Variants in ADAM23 observed in about 807,000 individuals in gnomAD.
The protein encoded by ADAM23 is ADAM metallopeptidase domain 23.
In ADAM23, 33 loss-of-function variants were observed where a neutral mutation model predicts 120.1. That is an observed-to-expected ratio of 0.27 (90% confidence interval 0.21 to 0.37). The LOEUF (loss-of-function observed/expected upper bound fraction) is 0.37. ADAM23 is among the 10% of genes least tolerant of loss of function. The pLI is 1.00. For synonymous variants in ADAM23, 367 were observed against 375.2 expected, an observed-to-expected ratio of 0.98 and a Z score of 0.25; for missense variants, 862 against 1,058.2, an observed-to-expected ratio of 0.81 and a Z score of 2.57.
intron 3 of ADAM23, among the ~76,000 whole-genome samples, chr2:206,517,574 A>G (rs1696760916): frequency 6.6e-6 from 1 of 152,042 alleles, no homozygotes; most frequent in African/African-American, 2.4e-5. Context: ...TTGCTTTTCT[A>G]GTGTCCACAG....
Position 206,443,970 on chromosome 2 carries a change from C to A in ADAM23, c.104C>A (p.Ala35Asp). Residue 35 changes from alanine to aspartate, a missense_variant, in exon 1 of 26, where the codon GCC becomes GAC. Ala to Asp is a moderately radical substitution (Grantham distance 126). This residue lies in a region of ADAM23 where 225 missense variants were observed against 204.0 expected (regional missense o/e 1.10). Coordinates refer to ENST00000264377, the MANE Select transcript of ADAM23 (RefSeq NM_003812.4). ...CGCGGCCCCGCCGGCTCGGTGCCTG[C>A]CAGCGCCCCGGCCCGCACGCCGCCC... is the stretch of plus-strand genomic sequence containing the variant. ...PQRGPAGSVP[A>D]SAPARTPPCR... 1 of 1,345,506 alleles carries A rather than the reference C, an allele frequency of 7.4e-7. No homozygotes were observed. The allele number at this position is 1,345,506 out of a possible 1,614,324, so 83.3% of individuals were successfully genotyped here.
chr2:206,473,614 C>T (rs1039824519), intron 2 of ADAM23, among the ~76,000 whole-genome samples: 46 of 144,562 alleles, frequency 3.2e-4, no homozygotes, highest in African/African-American at 1.1e-3. Context: ...ACAACAACAA[C>T]AACAATAACG....
chr2:206,509,993 C>T (rs1696589075), intron 3 of ADAM23, among the ~76,000 whole-genome samples: 1 of 152,202 alleles, frequency 6.6e-6, no homozygotes, highest in Admixed American at 6.5e-5. Flanking sequence ...TCTTTATCAA[C>T]ATAGTTTTGT....
intron 3 of ADAM23, among the ~76,000 whole-genome samples, chr2:206,529,819 A>ATT (rs57883962): frequency 5.4e-5 from 8 of 149,028 alleles, no homozygotes; most frequent in African/African-American, 7.4e-5. Flanking sequence ...GTATATATAC[A>ATT]TTTTTTTTTT....
intron 3 of ADAM23, among the ~76,000 whole-genome samples, chr2:206,513,563 G>A (rs1484849328): frequency 6.6e-6 from 1 of 152,208 alleles, no homozygotes; most frequent in Non-Finnish European, 1.5e-5. Flanking sequence ...ACATAAAAGT[G>A]CAAGGTAAAG....
chr2:206,575,015 C>T (rs1356193278), intron 18 of ADAM23, among the ~76,000 whole-genome samples: 1 of 152,040 alleles, frequency 6.6e-6, no homozygotes, highest in African/African-American at 2.4e-5. Flanking sequence ...AATAAAAAAT[C>T]AGATGGTGGT....
intron 2 of ADAM23, among the ~76,000 whole-genome samples, chr2:206,458,724 C>G (rs1265245101): frequency 6.6e-6 from 1 of 152,126 alleles, no homozygotes; most frequent in East Asian, 1.9e-4. Context: ...AGCACACGTT[C>G]AGATGATAAT....
chr2:206,457,129 T>C (rs1187826142), intron 2 of ADAM23, among the ~76,000 whole-genome samples: 2 of 152,206 alleles, frequency 1.3e-5, no homozygotes, highest in African/African-American at 2.4e-5. Flanking sequence ...ATGCATGAAA[T>C]CAACTTTAGC....
At chr2:206,595,930 T>C in intron 23 of ADAM23, 121 bp from the exon 24 acceptor site, 4 of 725,308 alleles carry the variant, frequency 5.5e-6, no homozygotes, top group Non-Finnish European at 9.1e-6. Context: ...TGGGAAACTT[T>C]AAAAAGAAAT....
At position 206,522,811 on chromosome 2, in the gene ADAM23, T is replaced by G. The variant is rs577826299; in HGVS notation, c.510-8074T>G. ...CAGTTTTCCTTGTGTTTAATTTTTT[T>G]TTTTTTGGTTTTATGACATACGGGG... is the stretch of plus-strand genomic sequence containing the variant. On this transcript the variant is annotated intron_variant, in intron 3 of 25. Coordinates refer to ENST00000264377, the MANE Select transcript of ADAM23 (RefSeq NM_003812.4). Among the ~76,000 whole-genome samples the G allele has an allele frequency of 3.9e-5, 6 of 151,976 alleles. No homozygotes were observed. In the East Asian group the frequency reaches 1.2e-3, roughly 29 times the overall value.
intron 4 of ADAM23, among the ~76,000 whole-genome samples, 160 bp downstream of exon 4, chr2:206,531,108 A>C (rs1697052815): frequency 6.6e-6 from 1 of 152,154 alleles, no homozygotes; most frequent in Non-Finnish European, 1.5e-5. Context: ...AAAATATACA[A>C]ATGTTTGAGG....
At chr2:206,500,255 G>T (rs1696359831) in intron 3 of ADAM23, among the ~76,000 whole-genome samples, 1 of 152,058 alleles carries the variant, frequency 6.6e-6, no homozygotes, top group African/African-American at 2.4e-5. Flanking sequence ...GGAAGCAAAA[G>T]AAAACTAGTG....
intron 2 of ADAM23, among the ~76,000 whole-genome samples, chr2:206,453,606 A>G (rs1392564429): frequency 6.6e-6 from 1 of 152,230 alleles, no homozygotes; most frequent in African/African-American, 2.4e-5. Context: ...ATTCAGTATG[A>G]TTTTAATTAA....
intron 11 of ADAM23, 93 bp from the exon 12 acceptor site, chr2:206,561,035 G>T: frequency 9.9e-7 from 1 of 1,009,792 alleles, no homozygotes; most frequent in Non-Finnish European, 1.6e-6. Flanking sequence ...GATGGTTTGG[G>T]GGTGTTCCAT....
chr2:206,530,691 T>TTTTTTTC (rs1697040183), intron 3 of ADAM23, among the ~76,000 whole-genome samples, 194 bp from the exon 4 acceptor site: 1 of 144,086 alleles, frequency 6.9e-6, no homozygotes, highest in African/African-American at 2.5e-5. Context: ...TTTTTTTTTT[T>TTTTTTTC]CTGCAGATTG....
intron 2 of ADAM23, among the ~76,000 whole-genome samples, chr2:206,450,158 G>A (rs1046558964): frequency 6.6e-6 from 1 of 152,056 alleles, no homozygotes; most frequent in Non-Finnish European, 1.5e-5. Context: ...GTTAGCACAC[G>A]TTTTTACAAT....
intron 9 of ADAM23, among the ~76,000 whole-genome samples, chr2:206,555,363 T>C (rs1366226254): frequency 1.3e-5 from 2 of 152,170 alleles, no homozygotes. Context: ...TTCCTCACCT[T>C]CCACATCCTA....
chr2:206,475,002 C>CT (rs1695747554), intron 2 of ADAM23, among the ~76,000 whole-genome samples: 2 of 152,302 alleles, frequency 1.3e-5, no homozygotes, highest in Non-Finnish European at 2.9e-5. Flanking sequence ...AAGTATGGCA[C>CT]TTTTTTGTCA....
At position 206,571,725 on chromosome 2, in the gene ADAM23, A is replaced by G; in HGVS notation, c.1567-2A>G. The G allele has an allele frequency of 6.2e-7, 1 of 1,613,452 alleles. No homozygotes were observed. The highest frequency in any genetic ancestry group is 8.5e-7 in the Non-Finnish European group (1 of 1,179,426). ...CTTACTCACGTGAAGTGTTTTCTCT[A>G]GGAATGCTATGGATTATGCTGTAAG... On this transcript the variant is annotated splice_acceptor_variant, in intron 16 of 25. Transcript: ENST00000264377. LOFTEE classifies it high-confidence loss of function.
Sources: allele counts gnomAD v4.1 joint callset (sites outside exome capture counted in the v4.1 genomes callset), GRCh38; gene constraint gnomAD v4.1.1; regional missense constraint gnomAD v4.1.1; transcripts MANE v1.5; gene names NCBI Gene and HGNC (gene_info 2026-07-23, HGNC 2026-07-21).